The following GPR39 variants were observed in gnomAD, a reference collection of about 807,000 sequenced individuals.
GPR39 encodes zinc sensing receptor.
A neutral mutation model predicts 18.4 loss-of-function variants in GPR39; 23 were observed. That is an observed-to-expected ratio of 1.25 (90% CI 0.90 to 1.77). The LOEUF (loss-of-function observed/expected upper bound fraction) is 1.77, where lower values mean the gene tolerates loss of function less well. GPR39 is among the 40% of genes most tolerant of loss of function. GPR39 has a pLI of 0.00. For synonymous variants in GPR39, 280 were observed against 257.9 expected (o/e 1.09, Z -0.82); for missense variants, 647 against 602.4 (o/e 1.07, Z -0.78).
At chr2:132,530,536 T>A (rs1679596505) in intron 1 of GPR39, among the ~76,000 whole-genome samples, 1 of 150,546 alleles carries the variant, frequency 6.6e-6, no homozygotes, top group African/African-American at 2.4e-5. Flanking sequence ...GAAGACCAAC[T>A]CCAAGACACA....
chr2:132,576,761 A>G (rs1339009732), intron 1 of GPR39, among the ~76,000 whole-genome samples: 2 of 152,112 alleles, frequency 1.3e-5, no homozygotes, highest in Non-Finnish European at 2.9e-5. Context: ...CAAGTCTGTG[A>G]TCCATTTTGA....
intron 1 of GPR39, among the ~76,000 whole-genome samples, chr2:132,510,032 C>T (rs1329443232): frequency 6.6e-6 from 1 of 152,142 alleles, no homozygotes; most frequent in Non-Finnish European, 1.5e-5. Flanking sequence ...TTTTCAAATC[C>T]ATATATCTCT....
At chr2:132,487,457 AT>A (rs1262368568) in intron 1 of GPR39, among the ~76,000 whole-genome samples, 1 of 152,232 alleles carries the variant, frequency 6.6e-6, no homozygotes, top group Non-Finnish European at 1.5e-5. Flanking sequence ...GAAGCGAAGC[AT>A]AATAAACCAA....
intron 1 of GPR39, among the ~76,000 whole-genome samples, chr2:132,568,419 A>C (rs1041824970): frequency 5.9e-5 from 9 of 152,050 alleles, no homozygotes; most frequent in Non-Finnish European, 8.8e-5. Flanking sequence ...AAAACAACCT[A>C]GGTTGGCCAG....
intron 1 of GPR39, among the ~76,000 whole-genome samples, chr2:132,633,030 C>T (rs1681678958): frequency 6.6e-6 from 1 of 152,146 alleles, no homozygotes; most frequent in African/African-American, 2.4e-5. Flanking sequence ...CCCACTGCTG[C>T]CTCCACTGTA....
At chr2:132,510,654 T>A (rs1247797697) in intron 1 of GPR39, among the ~76,000 whole-genome samples, 5 of 152,170 alleles carry the variant, frequency 3.3e-5, no homozygotes. Flanking sequence ...CAGAGAATAG[T>A]CCTGAAATTT....
intron 1 of GPR39, among the ~76,000 whole-genome samples, chr2:132,532,831 T>G (rs1322323327): frequency 6.6e-6 from 1 of 152,210 alleles, no homozygotes; most frequent in African/African-American, 2.4e-5. Flanking sequence ...AATTAGGTAT[T>G]GATGGGACAC....
At chr2:132,559,940 G>C (rs1487696373) in intron 1 of GPR39, among the ~76,000 whole-genome samples, 1 of 152,060 alleles carries the variant, frequency 6.6e-6, no homozygotes, top group Non-Finnish European at 1.5e-5. Flanking sequence ...ATGGAGCTAG[G>C]AGTAAAAATG....
At chr2:132,530,379 T>C (rs1033694691) in intron 1 of GPR39, among the ~76,000 whole-genome samples, 11 of 152,166 alleles carry the variant, frequency 7.2e-5, no homozygotes, top group African/African-American at 2.2e-4. Context: ...CTACATCAGA[T>C]TGGTGTACCT....
At chr2:132,543,049 G>C (rs1288449474) in intron 1 of GPR39, among the ~76,000 whole-genome samples, 1 of 152,162 alleles carries the variant, frequency 6.6e-6, no homozygotes. Context: ...ATGAGATAAT[G>C]ATGCAGGACT....
chr2:132,545,655 CGTGT>C (rs35108024), intron 1 of GPR39, among the ~76,000 whole-genome samples: 6 of 149,844 alleles, frequency 4.0e-5, no homozygotes, highest in African/African-American at 7.4e-5. Flanking sequence ...GTGTGATGGG[CGTGT>C]GTGTGTGTGT....
At chr2:132,600,519 A>T (rs547396794) in intron 1 of GPR39, among the ~76,000 whole-genome samples, 78 of 152,276 alleles carry the variant, frequency 5.1e-4, no homozygotes, top group African/African-American at 1.7e-3. Context: ...GAAATGAAAA[A>T]GGAGACATTA....
intron 1 of GPR39, among the ~76,000 whole-genome samples, chr2:132,524,417 C>T (rs143148541): frequency 2.5e-3 from 378 of 152,326 alleles, no homozygotes; most frequent in African/African-American, 8.3e-3. Context: ...CATTGCTCTG[C>T]AGAGAGTGAG....
intron 1 of GPR39, among the ~76,000 whole-genome samples, chr2:132,544,560 G>A (rs1040626973): frequency 5.9e-5 from 9 of 152,216 alleles, no homozygotes; most frequent in Admixed American, 2.0e-4. Flanking sequence ...CCCCAGGCTT[G>A]CTGCAGGAGG....
chr2:132,626,877 A>T (rs376925142), intron 1 of GPR39, among the ~76,000 whole-genome samples: 162 of 152,370 alleles, frequency 1.1e-3, no homozygotes, highest in African/African-American at 3.6e-3. Context: ...TATATAATTG[A>T]AAAGCCTATA....
chr2:132,524,789 T>C lies in GPR39; in HGVS notation c.856+106891T>C, dbSNP rs1679480895. Among the ~76,000 whole-genome samples, 2 of 150,186 alleles carry C rather than the reference T, an allele frequency of 1.3e-5. 1 individual carries two copies. The highest frequency in any genetic ancestry group is 4.1e-4 in the South Asian group (2 of 4,832). On this transcript the variant is annotated intron_variant, in intron 1 of 1. Coordinates refer to ENST00000329321, the MANE Select transcript of GPR39 (RefSeq NM_001508.3). The stretch of plus-strand genomic sequence containing the variant: ...GATGTAGGAAGCACAGAGAATAGTA[T>C]TATTACATGTACTCAGAAGTCACAC...
intron 1 of GPR39, among the ~76,000 whole-genome samples, chr2:132,469,895 AAACACC>A (rs1467732179): frequency 6.6e-6 from 1 of 152,214 alleles, no homozygotes; most frequent in Non-Finnish European, 1.5e-5. Context: ...TGCATGAGGA[AAACACC>A]AACAGGGGGA....
At chr2:132,571,902 C>T (rs184684460) in intron 1 of GPR39, among the ~76,000 whole-genome samples, 81 of 152,298 alleles carry the variant, frequency 5.3e-4, no homozygotes, top group East Asian at 2.3e-3. Context: ...GAATAGCCTG[C>T]AAACTCTTAG....
intron 1 of GPR39, among the ~76,000 whole-genome samples, chr2:132,494,989 G>A (rs1391338095): frequency 6.6e-6 from 1 of 152,166 alleles, no homozygotes; most frequent in Non-Finnish European, 1.5e-5. Flanking sequence ...CACCCTGAGG[G>A]GATAGGGGAA....
Sources: allele counts gnomAD v4.1 joint callset (sites outside exome capture counted in the v4.1 genomes callset), GRCh38; gene constraint gnomAD v4.1.1; transcripts MANE v1.5; gene names NCBI Gene and HGNC (gene_info 2026-07-23, HGNC 2026-07-21).